The following CTSO variants were observed in gnomAD, a reference collection of about 807,000 sequenced individuals.
The protein encoded by CTSO is cathepsin O.
Under a neutral mutation model 42.4 loss-of-function variants are expected in CTSO, and 40 were observed. The observed-to-expected ratio is 0.94, with a 90% CI of 0.73 to 1.23. CTSO has a LOEUF of 1.23. CTSO is among the 50% of genes most tolerant of loss of function. The probability of loss-of-function intolerance (pLI) is 0.00; values close to 1 mark genes in which losing one functional copy is unlikely to be tolerated. For synonymous variants in CTSO, 156 were observed against 146.2 expected, an observed-to-expected ratio of 1.07 and a Z score of -0.48; for missense variants, 441 against 396.0, an observed-to-expected ratio of 1.11 and a Z score of -0.96.
chr4:155,939,991 G>T (rs1743400679), intron 3 of CTSO, among the ~76,000 whole-genome samples: 1 of 152,240 alleles, frequency 6.6e-6, no homozygotes, highest in East Asian at 1.9e-4. Context: ...CATCCTAAGG[G>T]TGAGGAGGGG....
intron 3 of CTSO, among the ~76,000 whole-genome samples, chr4:155,939,936 T>G (rs1743399750): frequency 6.6e-6 from 1 of 152,114 alleles, no homozygotes; most frequent in Non-Finnish European, 1.5e-5. Flanking sequence ...TCCATCCCCC[T>G]TGCTTTTTTA....
chr4:155,951,904 C>G (rs1225987417), intron 1 of CTSO, among the ~76,000 whole-genome samples: 1 of 152,140 alleles, frequency 6.6e-6, no homozygotes, highest in Non-Finnish European at 1.5e-5. Context: ...TCCCCCACTT[C>G]CCTCCTCCCG....
intron 5 of CTSO, among the ~76,000 whole-genome samples, chr4:155,933,482 T>C (rs1743271399): frequency 6.6e-6 from 1 of 152,126 alleles, no homozygotes; most frequent in Admixed American, 6.5e-5. Flanking sequence ...AAAAGATACC[T>C]GAAAATGTGG....
chr4:155,928,510 T>A (rs1743171858), intron 6 of CTSO, 82 bp from the exon 7 acceptor site: 2 of 995,018 alleles, frequency 2.0e-6, no homozygotes, highest in South Asian at 3.0e-5. Context: ...TTAAGTTGGA[T>A]TCTTGCTAAG....
chr4:155,943,422 T>C (rs190706194), intron 1 of CTSO, among the ~76,000 whole-genome samples, 158 bp from the exon 2 acceptor site: 90 of 152,324 alleles, frequency 5.9e-4, no homozygotes, highest in Admixed American at 4.9e-3. Context: ...AGGAGATTCA[T>C]AAATATTTTC....
chr4:155,926,661 G>T (rs529305001), intron 7 of CTSO, among the ~76,000 whole-genome samples: 1 of 152,178 alleles, frequency 6.6e-6, no homozygotes, highest in East Asian at 1.9e-4. Flanking sequence ...TGACATCATT[G>T]TAACTTTCAG....
chr4:155,943,737 A>T (rs549972597), intron 1 of CTSO, among the ~76,000 whole-genome samples: 1 of 152,308 alleles, frequency 6.6e-6, no homozygotes, highest in East Asian at 1.9e-4. Flanking sequence ...TAAATTAATA[A>T]ATCAATCTGA....
chr4:155,928,925 G>A (rs1395488565), intron 6 of CTSO, among the ~76,000 whole-genome samples: 1 of 152,124 alleles, frequency 6.6e-6, no homozygotes, highest in African/African-American at 2.4e-5. Context: ...TCCCAAAACT[G>A]GCCATAAGCA....
At chr4:155,931,962 T>C (rs1388101500) in intron 5 of CTSO, among the ~76,000 whole-genome samples, 1 of 152,054 alleles carries the variant, frequency 6.6e-6, no homozygotes, top group Non-Finnish European at 1.5e-5. Context: ...TGATGCTTCA[T>C]AATGTGGATT....
At chr4:155,953,639 C>G in intron 1 of CTSO, 74 bp downstream of exon 1, 1 of 1,229,476 alleles carries the variant, frequency 8.1e-7, no homozygotes, top group Non-Finnish European at 1.0e-6. Context: ...CTCGGGGGCC[C>G]TCTTCCGCAG....
At chr4:155,953,571 G>A (rs1743715980) in intron 1 of CTSO, 142 bp downstream of exon 1, 2 of 1,051,712 alleles carry the variant, frequency 1.9e-6, no homozygotes, top group East Asian at 6.6e-5. Context: ...TTTTGCACCC[G>A]CAGCTCAGGG....
At chr4:155,946,480 A>G (rs950649518) in intron 1 of CTSO, among the ~76,000 whole-genome samples, 4 of 152,198 alleles carry the variant, frequency 2.6e-5, no homozygotes, top group Non-Finnish European at 5.9e-5. Context: ...TGAAAAGACA[A>G]ATATCTCCAC....
At chr4:155,941,446 T>A (rs17033826) in intron 3 of CTSO, among the ~76,000 whole-genome samples, 6,588 of 152,230 alleles carry the variant, frequency 0.043, 397 homozygotes, top group African/African-American at 0.13. Context: ...GGCACCTCCT[T>A]CCACCACTTC....
intron 7 of CTSO, among the ~76,000 whole-genome samples, chr4:155,926,824 C>A (rs951731796): frequency 3.9e-5 from 6 of 152,082 alleles, no homozygotes; most frequent in Non-Finnish European, 8.8e-5. Flanking sequence ...TGGTGAGGGA[C>A]GTAGTTATAA....
chr4:155,934,756 G>A (rs937268569), intron 5 of CTSO, among the ~76,000 whole-genome samples: 1 of 152,156 alleles, frequency 6.6e-6, no homozygotes, highest in African/African-American at 2.4e-5. Flanking sequence ...TGGAATGGCC[G>A]TATTTACCCA....
intron 5 of CTSO, among the ~76,000 whole-genome samples, chr4:155,930,351 C>G (rs1278149760): frequency 6.6e-6 from 1 of 152,100 alleles, no homozygotes; most frequent in Non-Finnish European, 1.5e-5. Flanking sequence ...ACAATAGAAG[C>G]AATGTTAAGC....
intron 1 of CTSO, among the ~76,000 whole-genome samples, chr4:155,952,966 A>G (rs1170021273): frequency 1.3e-5 from 2 of 152,136 alleles, no homozygotes; most frequent in Admixed American, 1.3e-4. Flanking sequence ...CATCCCTTGC[A>G]GTTTCCTTGG....
intron 5 of CTSO, among the ~76,000 whole-genome samples, chr4:155,931,453 G>T (rs1321446642): frequency 6.6e-6 from 1 of 152,100 alleles, no homozygotes; most frequent in Non-Finnish European, 1.5e-5. Flanking sequence ...AATAATCCCT[G>T]ATTTGGGCCA....
intron 7 of CTSO, among the ~76,000 whole-genome samples, chr4:155,927,917 A>G (rs1184671563): frequency 1.3e-5 from 2 of 152,162 alleles, no homozygotes; most frequent in East Asian, 3.9e-4. Flanking sequence ...TAGTTTTCGT[A>G]TATTTTAAAA....
Sources: gnomAD v4.1 joint callset for allele counts (sites outside exome capture counted in the v4.1 genomes callset) on GRCh38, gnomAD v4.1.1 for gene constraint, MANE v1.5 for transcripts, NCBI Gene and HGNC (gene_info 2026-07-23, HGNC 2026-07-21) for gene names.